The following NAV2 variants were observed in gnomAD, a reference collection of about 807,000 sequenced individuals.
NAV2 encodes helicase, APC down-regulated 1.
In NAV2, 54 loss-of-function variants were observed where a neutral mutation model predicts 223.2. That is an observed-to-expected ratio of 0.24 (90% CI 0.19 to 0.30). NAV2 has a LOEUF of 0.30. NAV2 is among the 10% of genes least tolerant of loss of function. The pLI is 1.00. For missense variants in NAV2, 2,806 were observed against 3,147.5 expected (o/e 0.89, Z 2.60); for synonymous variants, 1,279 against 1,239.3 (o/e 1.03, Z -0.67).
chr11:19,497,297 G>A (rs1219004504), intron 1 of NAV2, among the ~76,000 whole-genome samples: 1 of 152,206 alleles, frequency 6.6e-6, no homozygotes, highest in East Asian at 1.9e-4. Context: ...AACATTGTAA[G>A]TGCCGTATAA....
intron 1 of NAV2, among the ~76,000 whole-genome samples, chr11:19,362,386 C>T (rs1206177058): frequency 6.6e-6 from 1 of 151,978 alleles, no homozygotes; most frequent in East Asian, 1.9e-4. Context: ...TTAAATTGAG[C>T]TTTGTCACAA....
chr11:19,730,059 A>T (rs551212264), intron 1 of NAV2, among the ~76,000 whole-genome samples: 2 of 152,244 alleles, frequency 1.3e-5, no homozygotes, highest in African/African-American at 4.8e-5. Context: ...ACAGCTTTAC[A>T]CAGCCAGGAT....
rs188464775 is a variant in NAV2, at chr11:19,585,510, C to T, written c.75+234483C>T. Among the ~76,000 whole-genome samples, 1,088 of 152,294 alleles carry T rather than the reference C, an allele frequency of 7.1e-3. 6 individuals are homozygous for T. The highest frequency in any genetic ancestry group is 0.039 in the South Asian group (189 of 4,826). ...ACAATTTGGCGTGTTTTTGCAGTGG[C>T]TGGTACCGGTTGTTCCTTTCCATGT... On this transcript the variant is annotated intron_variant, in intron 1 of 37. Coordinates refer to the NAV2 transcript ENST00000360655.
chr11:20,089,496 A>G (rs183874687), intron 26 of NAV2, among the ~76,000 whole-genome samples: 4 of 152,322 alleles, frequency 2.6e-5, no homozygotes, highest in South Asian at 2.1e-4. Context: ...CCCCAAACCC[A>G]TAGCTTGGGT....
rs60628637 is a variant in NAV2, at chr11:19,452,107, AGTGTGTGTGTGTGTGT to A, written c.75+101109_75+101124del. On this transcript the variant is annotated intron_variant, in intron 1 of 37. Coordinates refer to the NAV2 transcript ENST00000360655. ...CTGGTCAGTTCTATTAGGTTACAAA[AGTGTGTGTGTGTGTGT>A]GTGTGTGTGTGTGTGTGTGTGTGTG... Among the ~76,000 whole-genome samples, 415 of 146,764 alleles carry A rather than the reference AGTGTGTGTGTGTGTGT, an allele frequency of 2.8e-3. 4 individuals carry two copies. Among genetic ancestry groups the A allele is most frequent in the African/African-American group, 9.4e-3 (372 of 39,606 alleles).
chr11:19,560,411 G>T (rs1665617483), intron 1 of NAV2, among the ~76,000 whole-genome samples: 1 of 152,194 alleles, frequency 6.6e-6, no homozygotes, highest in Non-Finnish European at 1.5e-5. Context: ...CTACTTGCCA[G>T]CTGTGTGACC....
intron 1 of NAV2, among the ~76,000 whole-genome samples, chr11:19,452,718 G>T (rs1851831059): frequency 1.3e-5 from 2 of 152,170 alleles, no homozygotes; most frequent in South Asian, 4.1e-4. Flanking sequence ...ATAATAAGGT[G>T]TGAATATCTC....
At chr11:19,668,079 G>A (rs1441760871) in intron 1 of NAV2, among the ~76,000 whole-genome samples, 3 of 152,152 alleles carry the variant, frequency 2.0e-5, no homozygotes, top group Admixed American at 6.5e-5. Context: ...TCAAGAGGAC[G>A]ACACTGGCAG....
At chr11:19,944,275 G>A (rs4757017) in intron 8 of NAV2, among the ~76,000 whole-genome samples, 53,620 of 152,086 alleles carry the variant, frequency 0.35, 9,990 homozygotes, top group Non-Finnish European at 0.41. Context: ...TAGCTTGTGT[G>A]TGGCATATTT....
intron 1 of NAV2, among the ~76,000 whole-genome samples, chr11:19,655,720 C>T (rs61876700): frequency 0.038 from 4,799 of 125,344 alleles, 96 homozygotes; most frequent in Middle Eastern, 0.13. Context: ...GGAAGGGGAA[C>T]ATCACACACC....
intron 1 of NAV2, among the ~76,000 whole-genome samples, chr11:19,368,718 G>A (rs1029469239): frequency 6.6e-6 from 1 of 152,140 alleles, no homozygotes; most frequent in African/African-American, 2.4e-5. Flanking sequence ...AAAAGTCAAA[G>A]TCACACAGCA....
At chr11:19,558,918 A>C (rs1234397326) in intron 1 of NAV2, among the ~76,000 whole-genome samples, 1 of 152,158 alleles carries the variant, frequency 6.6e-6, no homozygotes, top group East Asian at 1.9e-4. Flanking sequence ...TGTTTGCCCT[A>C]TACATGGTGG....
In NAV2 at chr11:20,085,936, C is replaced by CA. The variant is rs1234993251; in HGVS notation, c.5498+2758dup. The stretch of plus-strand genomic sequence containing the variant: ...GAAGGAGGAAATGGGCTTTGGTGAA[C>CA]ACATAGCAGCCTCTGCCACCCCAGC... On this transcript the variant is annotated intron_variant, in intron 26 of 37. Coordinates refer to ENST00000349880, the MANE Select transcript of NAV2 (RefSeq NM_145117.5). Among the ~76,000 whole-genome samples, 2 of 152,168 alleles carry CA rather than the reference C, an allele frequency of 1.3e-5. 1 individual carries two copies. The highest frequency in any genetic ancestry group is 2.9e-5 in the Non-Finnish European group (2 of 68,026).
At chr11:19,679,541 G>A (rs1484459908) in intron 1 of NAV2, among the ~76,000 whole-genome samples, 1 of 151,708 alleles carries the variant, frequency 6.6e-6, no homozygotes, top group Admixed American at 6.6e-5. Flanking sequence ...TTTTGTTTCT[G>A]TTTTTGTTTA....
chr11:19,767,471 C>G (rs1046758364), intron 1 of NAV2, among the ~76,000 whole-genome samples: 1 of 152,178 alleles, frequency 6.6e-6, no homozygotes, highest in African/African-American at 2.4e-5. Flanking sequence ...TGTCACCTCA[C>G]TGAATTATTA....
intron 25 of NAV2, 86 bp from the exon 26 acceptor site, chr11:20,082,921 T>A (rs1205228832): frequency 1.6e-6 from 2 of 1,265,258 alleles, no homozygotes; most frequent in Non-Finnish European, 2.2e-6. Flanking sequence ...GGAGAATTAA[T>A]CGCTTTTTTG....
At chr11:19,517,668 T>C (rs919450440) in intron 1 of NAV2, among the ~76,000 whole-genome samples, 5 of 152,248 alleles carry the variant, frequency 3.3e-5, no homozygotes, top group South Asian at 4.1e-4. Flanking sequence ...TATTGCACCA[T>C]GCACCAGTGG....
intron 1 of NAV2, among the ~76,000 whole-genome samples, chr11:19,803,280 G>T (rs2058369909): frequency 6.6e-6 from 1 of 152,226 alleles, no homozygotes; most frequent in South Asian, 2.1e-4. Flanking sequence ...TGATCACACA[G>T]AGCGCATCAG....
intron 22 of NAV2, 93 bp from the exon 23 acceptor site, chr11:20,077,459 G>T: frequency 3.2e-6 from 3 of 928,494 alleles, no homozygotes; most frequent in South Asian, 1.4e-5. Flanking sequence ...TAGATCAATG[G>T]ACCCACAGGA....
Sources: gnomAD v4.1 joint callset for allele counts (sites outside exome capture counted in the v4.1 genomes callset) on GRCh38, gnomAD v4.1.1 for gene constraint, MANE v1.5 for transcripts, NCBI Gene and HGNC (gene_info 2026-07-23, HGNC 2026-07-21) for gene names.